RFTN1: variants seen among roughly 807,000 people sequenced by gnomAD.
RFTN1 encodes the protein raftlin.
In RFTN1, 26 loss-of-function variants were observed where a neutral mutation model predicts 46.5. The observed-to-expected ratio is 0.56, with a 90% CI of 0.41 to 0.78. The LOEUF is 0.78. Ranked by LOEUF, RFTN1 falls within the 30% of genes least tolerant of loss-of-function variation. The pLI is 0.00. For synonymous variants in RFTN1, 261 were observed against 284.2 expected, an observed-to-expected ratio of 0.92 and a Z score of 0.82; for missense variants, 693 against 718.7, an observed-to-expected ratio of 0.96 and a Z score of 0.41.
chr3:16,505,339 C>G (rs1399126496), intron 1 of RFTN1, among the ~76,000 whole-genome samples: 4 of 152,134 alleles, frequency 2.6e-5, no homozygotes, highest in Admixed American at 6.5e-5. Context: ...CTCCAGGCAC[C>G]ACCCTTTTCC....
chr3:16,431,773 T>A (rs2075393369), intron 3 of RFTN1, among the ~76,000 whole-genome samples: 1 of 152,178 alleles, frequency 6.6e-6, no homozygotes, highest in African/African-American at 2.4e-5. Flanking sequence ...AGGGGTAAAA[T>A]GGGGGAAAGG....
In RFTN1 at chr3:16,466,218, A is replaced by C. The variant is rs1044960067; in HGVS notation, c.145+27507T>G. The stretch of plus-strand genomic sequence containing the variant: ...ACGTCCTGCTCTTGCAACAAAGAAC[A>C]CTTTTAACTTGCATCGTCCTCTCAT... On this transcript the variant is annotated intron_variant, in intron 2 of 9. Coordinates refer to ENST00000334133, the MANE Select transcript of RFTN1 (RefSeq NM_015150.2). The surrounding 1 kb of genome is among the most constrained non-coding windows in gnomAD (Gnocchi z 5.6). Among the ~76,000 whole-genome samples the C allele has an allele frequency of 6.6e-6, 1 of 152,164 alleles. No individual in the cohort carries two copies. Among genetic ancestry groups the C allele is most frequent in the East Asian group, 1.9e-4 (1 of 5,194 alleles).
chr3:16,500,314 G>T lies in RFTN1; in HGVS notation c.-8-6437C>A, dbSNP rs1414585712. Among the ~76,000 whole-genome samples the T allele has an allele frequency of 6.6e-6, 1 of 152,144 alleles. No individual in the cohort carries two copies. The highest frequency in any genetic ancestry group is 1.9e-4 in the East Asian group (1 of 5,198). On this transcript the variant is annotated intron_variant, in intron 1 of 9. Coordinates refer to ENST00000334133, the MANE Select transcript of RFTN1 (RefSeq NM_015150.2). The surrounding 1 kb of genome is among the most constrained non-coding windows in gnomAD (Gnocchi z 5.9). ...ATCAGCTTTGATTGACAGGTGTCCA[G>T]GCATTTGTTTCTCTTTTTATATTTT...
Position 16,484,492 on chromosome 3 carries a change from A to T in RFTN1, c.145+9233T>A, listed in dbSNP as rs556289559. On this transcript the variant is annotated intron_variant, in intron 2 of 9. Transcript: ENST00000334133. The surrounding 1 kb of genome is among the most constrained non-coding windows in gnomAD (Gnocchi z 4.6). Reference sequence around the variant, plus strand: ...TGTCGAAGAAAACATCCCGAAAATCAGTTCTTAAAGTCCTCTTAGACAGGA... The same window carrying T: ...TGTCGAAGAAAACATCCCGAAAATCTGTTCTTAAAGTCCTCTTAGACAGGA... 6.6e-6 allele frequency among the ~76,000 whole-genome samples: 1 copy of T among 152,230 alleles called. No homozygotes were observed. Among genetic ancestry groups the T allele is most frequent in the Admixed American group, 6.5e-5 (1 of 15,288 alleles).
At chr3:16,333,195 T>A (rs1306764436) in intron 7 of RFTN1, among the ~76,000 whole-genome samples, 1 of 152,098 alleles carries the variant, frequency 6.6e-6, no homozygotes, top group Non-Finnish European at 1.5e-5. Flanking sequence ...AACAGCTAAA[T>A]CACCAACAAA....
Position 16,322,192 on chromosome 3 carries a change from C to T in RFTN1, c.1332+1184G>A, listed in dbSNP as rs2069140003. Among the ~76,000 whole-genome samples, 1 of 152,212 alleles carries T rather than the reference C, an allele frequency of 6.6e-6. No individual in the cohort carries two copies. The highest frequency in any genetic ancestry group is 1.5e-5 in the Non-Finnish European group (1 of 68,040). The stretch of plus-strand genomic sequence containing the variant: ...CCTGCTCCTGGTGGTTGATGGTGGG[C>T]TGGCAGTTCCCTTCTGGTCCATTGT... On this transcript the variant is annotated intron_variant, in intron 9 of 9. Coordinates refer to ENST00000334133, the MANE Select transcript of RFTN1 (RefSeq NM_015150.2). The surrounding 1 kb of genome is among the most constrained non-coding windows in gnomAD (Gnocchi z 6.2).
chr3:16,457,346 A>G lies in RFTN1; in HGVS notation c.146-23309T>C, dbSNP rs73024213. Among the ~76,000 whole-genome samples, 6,106 of 152,350 alleles carry G rather than the reference A, an allele frequency of 0.04. 167 individuals carry two copies. The highest frequency in any genetic ancestry group is 0.064 in the Non-Finnish European group (4,343 of 68,016). ...TTGGCCTCTTGCCAAGTGACCTTGCATGAGTTCTTAATCTTCCTCCAAGTA... is the reference window on the plus strand; with the variant it reads ...TTGGCCTCTTGCCAAGTGACCTTGCGTGAGTTCTTAATCTTCCTCCAAGTA... On this transcript the variant is annotated intron_variant, in intron 2 of 9. Transcript: ENST00000334133. This position sits in a 1 kb window ranked among gnomAD's most constrained non-coding sequence, Gnocchi z 4.2.
At chr3:16,397,812 T>C (rs2074504757) in intron 4 of RFTN1, among the ~76,000 whole-genome samples, 1 of 152,014 alleles carries the variant, frequency 6.6e-6, no homozygotes, top group African/African-American at 2.4e-5. Context: ...TTTCTTTCTT[T>C]CTCTCACCTT....
Position 16,328,903 on chromosome 3 carries a change from T to A in RFTN1, c.1147-2027A>T, listed in dbSNP as rs9813510. 3.0e-3 allele frequency among the ~76,000 whole-genome samples: 462 copies of A among 152,240 alleles called. 6 individuals carry two copies. Among genetic ancestry groups the A allele is most frequent in the African/African-American group, 0.01 (430 of 41,546 alleles). On this transcript the variant is annotated intron_variant, in intron 7 of 9. Coordinates refer to ENST00000334133, the MANE Select transcript of RFTN1 (RefSeq NM_015150.2). The stretch of plus-strand genomic sequence containing the variant: ...CCCATCATTCTCCATGAGAAAAAAA[T>A]ATATATTTTTAAAGGATCAGCTCTG...
In RFTN1 at chr3:16,426,827, AGCAAAATTCCAGG is replaced by A. The variant is rs2075298529; in HGVS notation, c.332+7011_332+7023del. Among the ~76,000 whole-genome samples, 1 of 152,222 alleles carries A rather than the reference AGCAAAATTCCAGG, an allele frequency of 6.6e-6. No individual in the cohort carries two copies. Among genetic ancestry groups the A allele is most frequent in the African/African-American group, 2.4e-5 (1 of 41,454 alleles). ...TTATGGTCCTTTAGTAAAAGATTGT[AGCAAAATTCCAGG>A]GCATGGTTTTATCCCACTCAATTCA... On this transcript the variant is annotated intron_variant, in intron 3 of 9. Coordinates refer to ENST00000334133, the MANE Select transcript of RFTN1 (RefSeq NM_015150.2). The surrounding 1 kb of genome is among the most constrained non-coding windows in gnomAD (Gnocchi z 5.9).
rs748601642 is a variant in RFTN1 at position 16,407,689 on chromosome 3, G to T, written c.441+1686C>A. On this transcript the variant is annotated intron_variant, in intron 4 of 9. Coordinates refer to ENST00000334133, the MANE Select transcript of RFTN1 (RefSeq NM_015150.2). This position sits in a 1 kb window ranked among gnomAD's most constrained non-coding sequence, Gnocchi z 4.0. The stretch of plus-strand genomic sequence containing the variant: ...TCCCTATACAAGTTGATTATTTGCA[G>T]CAATCCAAACAAAGATAGCTCTATT... Among the ~76,000 whole-genome samples the T allele has an allele frequency of 3.9e-5, 6 of 152,096 alleles. No individual in the cohort carries two copies. Among genetic ancestry groups the T allele is most frequent in the Non-Finnish European group, 8.8e-5 (6 of 68,018 alleles).
In RFTN1 at chr3:16,348,679, AAGT is replaced by A. The variant is rs1438949371; in HGVS notation, c.1146+9250_1146+9252del. On this transcript the variant is annotated intron_variant, in intron 7 of 9. Transcript: ENST00000334133. The surrounding 1 kb of genome is among the most constrained non-coding windows in gnomAD (Gnocchi z 6.3). ...TGCATCCTTGTTCCTGGGCATCAAA[AAGT>A]AGTCACTCTCTTTGAGCCTATGGAG... Among the ~76,000 whole-genome samples the A allele has an allele frequency of 1.3e-5, 2 of 152,216 alleles. No individual in the cohort carries two copies. Among genetic ancestry groups the A allele is most frequent in the Admixed American group, 6.5e-5 (1 of 15,298 alleles).
chr3:16,502,831 C>T (rs756346252), intron 1 of RFTN1, among the ~76,000 whole-genome samples: 2 of 152,284 alleles, frequency 1.3e-5, no homozygotes, highest in Admixed American at 6.5e-5. Flanking sequence ...TCTGGATTCC[C>T]GACTCAGAGA....
In RFTN1 at chr3:16,344,535, G is replaced by C. The variant is rs1356073397; in HGVS notation, c.1146+13397C>G. On this transcript the variant is annotated intron_variant, in intron 7 of 9. Transcript: ENST00000334133. This position sits in a 1 kb window ranked among gnomAD's most constrained non-coding sequence, Gnocchi z 4.4. Reference sequence around the variant, plus strand: ...CTAGAATGCTTTATGTGGAGCCCAAGAGCATCCATGTTCTTATTCTTAGAT... The same window carrying C: ...CTAGAATGCTTTATGTGGAGCCCAACAGCATCCATGTTCTTATTCTTAGAT... Among the ~76,000 whole-genome samples, 1 of 152,068 alleles carries C rather than the reference G, an allele frequency of 6.6e-6. No individual in the cohort carries two copies. Among genetic ancestry groups the C allele is most frequent in the Non-Finnish European group, 1.5e-5 (1 of 68,012 alleles).
At position 16,383,027 on chromosome 3, in the gene RFTN1, C is replaced by T. The variant is rs1438326082; in HGVS notation, c.442-4925G>A. Among the ~76,000 whole-genome samples, 2 of 152,208 alleles carry T rather than the reference C, an allele frequency of 1.3e-5. No homozygotes were observed. Among genetic ancestry groups the T allele is most frequent in the Non-Finnish European group, 2.9e-5 (2 of 68,028 alleles). ...CTATTAACATTGCACAGCTCTTCTA[C>T]AAAGAACTTTCACATGCATTCCCTT... On this transcript the variant is annotated intron_variant, in intron 4 of 9. Coordinates refer to ENST00000334133, the MANE Select transcript of RFTN1 (RefSeq NM_015150.2). The surrounding 1 kb of genome is among the most constrained non-coding windows in gnomAD (Gnocchi z 4.0).
intron 2 of RFTN1, chr3:16,482,936 C>T: frequency 1.0e-6 from 1 of 1,000,742 alleles, no homozygotes; most frequent in Non-Finnish European, 1.5e-6. Context: ...CAACTCTGAC[C>T]CTGGGGCCTC....
chr3:16,481,432 T>C lies in RFTN1; in HGVS notation c.145+12293A>G, dbSNP rs1227832751. 2.0e-5 allele frequency among the ~76,000 whole-genome samples: 3 copies of C among 152,314 alleles called. No individual in the cohort carries two copies. Among genetic ancestry groups the C allele is most frequent in the Middle Eastern group, 3.4e-3 (1 of 294 alleles). On this transcript the variant is annotated intron_variant, in intron 2 of 9. Transcript: ENST00000334133. This position sits in a 1 kb window ranked among gnomAD's most constrained non-coding sequence, Gnocchi z 5.1. ...TTGCATCTTCTGTTTAAAAACATGG[T>C]CTGTTTTTAACACACCTCCCAGCCA...
chr3:16,358,629 T>C (rs2072622412), intron 6 of RFTN1, among the ~76,000 whole-genome samples: 2 of 152,120 alleles, frequency 1.3e-5, no homozygotes, highest in Non-Finnish European at 2.9e-5. Context: ...AATGTTTCCC[T>C]GGGTGCTGCT....
At chr3:16,436,251 G>A (rs1243143424) in intron 2 of RFTN1, among the ~76,000 whole-genome samples, 1 of 150,594 alleles carries the variant, frequency 6.6e-6, no homozygotes, top group Non-Finnish European at 1.5e-5. Flanking sequence ...CTATTGGTTT[G>A]TAAGAACTCT....
Sources: gnomAD v4.1 joint callset for allele counts (sites outside exome capture counted in the v4.1 genomes callset) on GRCh38, gnomAD v4.1.1 for gene constraint, Gnocchi (gnomAD v3.1) non-coding constraint, MANE v1.5 for transcripts, NCBI Gene and HGNC (gene_info 2026-07-23, HGNC 2026-07-21) for gene names.